CDH18: variants seen among roughly 807,000 people sequenced by gnomAD.
CDH18 encodes cadherin-18.
CDH18 carries 31 observed loss-of-function variants against 67.9 expected under a neutral mutation model. The ratio of observed to expected loss-of-function variants is 0.46; its 90% CI spans 0.34 to 0.62. The LOEUF (loss-of-function observed/expected upper bound fraction) is 0.62, where lower values mean the gene tolerates loss of function less well. Ranked by LOEUF, CDH18 falls within the 20% of genes least tolerant of loss-of-function variation. The probability of loss-of-function intolerance (pLI) is 0.01; values close to 1 mark genes in which losing one functional copy is unlikely to be tolerated. For synonymous variants in CDH18, 362 were observed against 347.2 expected, an observed-to-expected ratio of 1.04 and a Z score of -0.48; for missense variants, 890 against 975.5, an observed-to-expected ratio of 0.91 and a Z score of 1.17.
rs1754305190 is a variant in CDH18 at position 20,501,572 on chromosome 5, ATATATATAT to A, written c.-580+73881_-580+73889del. On this transcript the variant is annotated intron_variant, in intron 1 of 14. Coordinates refer to the CDH18 transcript ENST00000507958. ...TATATATATAATATATATATATAAT[ATATATATAT>A]TATATATATATATTATATATATATA... is the stretch of plus-strand genomic sequence containing the variant. Among the ~76,000 whole-genome samples, 5 of 25,184 alleles carry A rather than the reference ATATATATAT, an allele frequency of 2.0e-4. No individual in the cohort carries two copies. The East Asian group carries it at 5.7e-3, about 29-fold the overall frequency. The allele number at this position is 25,184 out of a possible 152,430, so 16.5% of individuals were successfully genotyped here. A position where few individuals can be genotyped will look rare whatever the true frequency, so the allele number is the denominator to read the frequency against.
intron 3 of CDH18, among the ~76,000 whole-genome samples, chr5:19,768,801 A>G (rs912287080): frequency 1.3e-5 from 2 of 152,130 alleles, no homozygotes; most frequent in Non-Finnish European, 2.9e-5. Context: ...GATTTGCCAC[A>G]TTATAATATT....
chr5:20,390,537 G>A (rs1042765108), intron 1 of CDH18, among the ~76,000 whole-genome samples: 4 of 152,170 alleles, frequency 2.6e-5, no homozygotes, highest in Non-Finnish European at 4.4e-5. Context: ...TACACTGTTG[G>A]TGGGACTGTA....
intron 2 of CDH18, among the ~76,000 whole-genome samples, chr5:20,018,528 G>C (rs1178332096): frequency 6.6e-6 from 1 of 152,082 alleles, no homozygotes; most frequent in African/African-American, 2.4e-5. Context: ...ATGCCATTTT[G>C]TATTCTAAAC....
At chr5:19,499,588 G>A (rs1206493082) in intron 11 of CDH18, among the ~76,000 whole-genome samples, 8 of 151,474 alleles carry the variant, frequency 5.3e-5, no homozygotes, top group African/African-American at 1.7e-4. Context: ...TTTTACTGTT[G>A]CCTCATTTTG....
chr5:19,474,680 T>TC (rs1738141913), intron 12 of CDH18, among the ~76,000 whole-genome samples: 1 of 152,132 alleles, frequency 6.6e-6, no homozygotes, highest in Non-Finnish European at 1.5e-5. Flanking sequence ...GCATCACAGG[T>TC]AATGATATTT....
chr5:19,602,615 A>G lies in CDH18; in HGVS notation c.811+9819T>C, dbSNP rs545467782. Among the ~76,000 whole-genome samples the G allele has an allele frequency of 2.0e-5, 3 of 152,232 alleles. No individual in the cohort carries two copies. The South Asian group carries it at 6.2e-4, about 32-fold the overall frequency. ...GAAATTAGAACTCTTGTGCCCTGTT[A>G]GTGGAGCAGTGAAATGGTATAGCCA... On this transcript the variant is annotated intron_variant, in intron 6 of 12. Coordinates refer to ENST00000382275, the MANE Select transcript of CDH18 (RefSeq NM_004934.5).
chr5:19,687,145 G>T (rs960218435), intron 5 of CDH18, among the ~76,000 whole-genome samples: 3 of 152,142 alleles, frequency 2.0e-5, no homozygotes, highest in South Asian at 4.1e-4. Context: ...AGTTCCAGAC[G>T]TGGAGAGGTC....
chr5:19,959,686 G>C lies in CDH18; in HGVS notation c.-257+21374C>G, dbSNP rs184291936. ...GAGACAGATTTCCAGAAGGAGAAGG[G>C]GCAAGAAAAATGATTTTCAGTCATG... On this transcript the variant is annotated intron_variant, in intron 2 of 12. Transcript: ENST00000382275. Among the ~76,000 whole-genome samples the C allele has an allele frequency of 3.8e-4, 58 of 152,066 alleles. 2 individuals carry two copies. The East Asian group carries it at 4.7e-3, about 12-fold the overall frequency.
chr5:20,415,666 G>A lies in CDH18; in HGVS notation c.-580+159796C>T, dbSNP rs546448113. Among the ~76,000 whole-genome samples, 7 of 152,060 alleles carry A rather than the reference G, an allele frequency of 4.6e-5. No homozygotes were observed. The South Asian group carries it at 1.4e-3, about 31-fold the overall frequency. On this transcript the variant is annotated intron_variant, in intron 1 of 14. Transcript: ENST00000507958. ...TGGGCACCTGCAGTCCCAGCTACTC[G>A]GGAGGCTGAGGCAGGAGAATGGCGT...
intron 9 of CDH18, among the ~76,000 whole-genome samples, chr5:19,539,636 C>T (rs770468853): frequency 1.4e-4 from 21 of 147,982 alleles, no homozygotes; most frequent in Non-Finnish European, 1.9e-4. Context: ...GCTGGGGAGG[C>T]CTCACAGTCA....
intron 1 of CDH18, among the ~76,000 whole-genome samples, chr5:20,412,912 A>G (rs1385452675): frequency 6.6e-6 from 1 of 152,184 alleles, no homozygotes; most frequent in Non-Finnish European, 1.5e-5. Flanking sequence ...TGCTGCACCC[A>G]TTAACTTGTC....
Position 20,088,726 on chromosome 5 carries a change from G to A in CDH18, c.-517-96712C>T, listed in dbSNP as rs916283082. On this transcript the variant is annotated intron_variant, in intron 2 of 14. Coordinates refer to the CDH18 transcript ENST00000507958. The stretch of plus-strand genomic sequence containing the variant: ...TTATTTAAGCCTTTTTTTCAACTTG[G>A]CCTCTTCTCTATATTTTGTAGCTGA... Among the ~76,000 whole-genome samples, 4 of 151,892 alleles carry A rather than the reference G, an allele frequency of 2.6e-5. No homozygotes were observed. In the East Asian group the frequency reaches 7.7e-4, roughly 29 times the overall value.
rs576848997 is a variant in CDH18 at position 19,755,086 on chromosome 5, T to C, written c.229-7850A>G. Among the ~76,000 whole-genome samples the C allele has an allele frequency of 1.5e-4, 23 of 151,028 alleles. No homozygotes were observed. The South Asian group carries it at 4.8e-3, about 32-fold the overall frequency. On this transcript the variant is annotated intron_variant, in intron 3 of 12. Coordinates refer to ENST00000382275, the MANE Select transcript of CDH18 (RefSeq NM_004934.5). ...AAGAGCACAAACTGACAATCTAAGG[T>C]CATGCCTTAAGGAACTAGAGGAACA...
intron 1 of CDH18, among the ~76,000 whole-genome samples, chr5:20,503,236 ATTTC>A (rs1754448840): frequency 8.7e-6 from 1 of 114,304 alleles, no homozygotes; most frequent in Admixed American, 9.0e-5. Context: ...TTAGCTTTTT[ATTTC>A]TTTTTTTTTT....
intron 1 of CDH18, among the ~76,000 whole-genome samples, chr5:20,414,239 C>A: frequency 6.6e-6 from 1 of 152,122 alleles, no homozygotes; most frequent in East Asian, 1.9e-4. Flanking sequence ...TTATGTTTAT[C>A]GTAGCACTAT....
intron 1 of CDH18, among the ~76,000 whole-genome samples, chr5:20,539,180 C>T (rs778738885): frequency 6.6e-6 from 1 of 151,968 alleles, no homozygotes. Flanking sequence ...TGTGAGCCAC[C>T]GCACTGGGTG....
chr5:20,042,217 G>A (rs992363183), intron 2 of CDH18, among the ~76,000 whole-genome samples: 2 of 152,086 alleles, frequency 1.3e-5, no homozygotes, highest in African/African-American at 4.8e-5. Flanking sequence ...GAATCAAACT[G>A]AAATAATTAA....
intron 1 of CDH18, chr5:20,305,200 A>C (rs867138710): frequency 2.1e-6 from 3 of 1,407,620 alleles, no homozygotes; most frequent in Middle Eastern, 1.8e-4. Flanking sequence ...CAGTCCTTCC[A>C]AAGGCTTCCC....
chr5:20,342,114 T>G (rs931626500), intron 1 of CDH18, among the ~76,000 whole-genome samples: 2 of 152,052 alleles, frequency 1.3e-5, no homozygotes, highest in Non-Finnish European at 2.9e-5. Context: ...ACATAAGATT[T>G]TATCATATGA....
Sources: gnomAD v4.1 joint callset for allele counts (sites outside exome capture counted in the v4.1 genomes callset) on GRCh38, gnomAD v4.1.1 for gene constraint, MANE v1.5 for transcripts, NCBI Gene and HGNC (gene_info 2026-07-23, HGNC 2026-07-21) for gene names.